G2E3: variants seen among roughly 807,000 people sequenced by gnomAD.
G2E3 encodes G2/M-phase specific E3 ubiquitin protein ligase.
G2E3 carries 35 observed loss-of-function variants against 92.8 expected under a neutral mutation model. The observed-to-expected ratio is 0.38, with a 90% CI of 0.29 to 0.50. The LOEUF (loss-of-function observed/expected upper bound fraction) is 0.50. Among genes scored for constraint, G2E3 ranks in the 20% least tolerant of loss-of-function variants. The pLI is 0.94. For synonymous variants in G2E3, 242 were observed against 272.4 expected (o/e 0.89, Z 1.10); for missense variants, 554 against 823.8 (o/e 0.67, Z 4.01).
chr14:30,567,361 AT>A (rs1174229128), intron 1 of G2E3, among the ~76,000 whole-genome samples: 1 of 151,852 alleles, frequency 6.6e-6, no homozygotes, highest in Non-Finnish European at 1.5e-5. Context: ...ATTTGTTGAA[AT>A]TTTCTATTTC....
intron 12 of G2E3, among the ~76,000 whole-genome samples, chr14:30,608,457 A>G (rs954239273): frequency 2.0e-5 from 3 of 152,230 alleles, no homozygotes; most frequent in African/African-American, 4.8e-5. Context: ...GAAGAGAGGA[A>G]GGATTTGGCT....
intron 1 of G2E3, among the ~76,000 whole-genome samples, chr14:30,575,717 AC>A (rs1880043358): frequency 6.6e-6 from 1 of 152,220 alleles, no homozygotes; most frequent in South Asian, 2.1e-4. Context: ...ATTCCTATAC[AC>A]CAAAAACAGC....
rs2138855821 is a variant in G2E3, at chr14:30,593,458, T to C, written c.363-16T>C. The C allele has an allele frequency of 7.4e-7, 1 of 1,347,468 alleles. No homozygotes were observed. Among genetic ancestry groups the C allele is most frequent in the East Asian group, 2.4e-5 (1 of 42,444 alleles). The allele number at this position is 1,347,468 out of a possible 1,614,324, so 83.5% of individuals were successfully genotyped here. A position where few individuals can be genotyped will look rare whatever the true frequency, so the allele number is the denominator to read the frequency against. On this transcript the variant is annotated splice_polypyrimidine_tract_variant and intron_variant, in intron 5 of 14. Coordinates refer to ENST00000206595, the MANE Select transcript of G2E3 (RefSeq NM_017769.5). ...TGCAGTTCATGAGATTTTTTTAAAA[T>C]AATTTACATTTTTAGGTCATTTTGT...
chr14:30,583,548 C>T (rs1376450330), intron 2 of G2E3, among the ~76,000 whole-genome samples: 1 of 152,064 alleles, frequency 6.6e-6, no homozygotes, highest in Non-Finnish European at 1.5e-5. Flanking sequence ...TGAAGGGATA[C>T]AAAATTTTAT....
At position 30,598,480 on chromosome 14, in the gene G2E3, T is replaced by C. The variant is rs769121665; in HGVS notation, c.636-3T>C. 6.5e-7 allele frequency: 1 copy of C among 1,536,554 alleles called. No individual in the cohort carries two copies. Among genetic ancestry groups the C allele is most frequent in the South Asian group, 1.1e-5 (1 of 89,476 alleles). ...AAAGCATATTTTATATCTTCTTTTA[T>C]AGAGATGCTTCCTGGGAATTAGAGG... On this transcript the variant is annotated splice_region_variant and splice_polypyrimidine_tract_variant and intron_variant, in intron 7 of 14. Transcript: ENST00000206595.
At chr14:30,562,531 A>G (rs1879166136) in intron 1 of G2E3, among the ~76,000 whole-genome samples, 1 of 152,068 alleles carries the variant, frequency 6.6e-6, no homozygotes. Flanking sequence ...TGCCAAGAGG[A>G]CCATGGTCTA....
rs1250289659 is a variant in G2E3 at position 30,586,800 on chromosome 14, A to T, written c.120A>T (p.Val40=). The T allele has an allele frequency of 8.2e-7, 1 of 1,219,694 alleles. No homozygotes were observed. The highest frequency in any genetic ancestry group is 1.2e-6 in the Non-Finnish European group (1 of 863,770). The allele number at this position is 1,219,694 out of a possible 1,614,324, so 75.6% of individuals were successfully genotyped here. The change falls in exon 3 of 15, where the codon GTA becomes GTT. Residue 40 remains valine, a synonymous_variant. Transcript: ENST00000206595. The stretch of plus-strand genomic sequence containing the variant: ...CTAAGGAGAAATGGAATCTCACTGT[A>T]CATTACTACTGTTTGGTGAGTATAA... ...KKTKEKWNLT[V]HYYCLLMSSG...
At chr14:30,563,670 A>ATGTAAACT (rs1191096454) in intron 1 of G2E3, among the ~76,000 whole-genome samples, 3 of 150,850 alleles carry the variant, frequency 2.0e-5, no homozygotes, top group African/African-American at 7.4e-5. Context: ...TGATAACTTA[A>ATGTAAACT]TGTAAACTTG....
At position 30,616,522 on chromosome 14, in the gene G2E3, C is replaced by T; in HGVS notation, c.2109C>T (p.Tyr703=). 3.1e-6 allele frequency: 5 copies of T among 1,587,878 alleles called. No individual in the cohort carries two copies. The highest frequency in any genetic ancestry group is 4.3e-6 in the Non-Finnish European group (5 of 1,166,800). ...TAGAAAAGGAAGAAAGTTCTCATTA[C>T]ATTGGACATTAAAATGTTTCCTTGA... ...LRLEKEESSH[Y]IGH is the part of the protein sequence containing the mutation. Residue 703 remains tyrosine (Y), a synonymous_variant, in exon 15 of 15, where the codon TAC becomes TAT. Coordinates refer to ENST00000206595, the MANE Select transcript of G2E3 (RefSeq NM_017769.5).
At chr14:30,577,323 GACTT>G (rs1243548539) in intron 1 of G2E3, among the ~76,000 whole-genome samples, 4 of 151,684 alleles carry the variant, frequency 2.6e-5, no homozygotes, top group African/African-American at 9.7e-5. Flanking sequence ...GAAGGAATTT[GACTT>G]ACTTTTTTTG....
At chr14:30,586,676 AT>A in intron 2 of G2E3, 41 bp from the exon 3 acceptor site, 5 of 675,054 alleles carry the variant, frequency 7.4e-6, no homozygotes, top group Non-Finnish European at 7.4e-6. Context: ...TTTTTGAAAT[AT>A]TTAAATATAT....
Position 30,593,566 on chromosome 14 carries a change from A to C in G2E3, c.455A>C (p.Glu152Ala). 1 of 1,598,342 alleles carries C rather than the reference A, an allele frequency of 6.3e-7. No individual in the cohort carries two copies. Residue 152 changes from glutamate to alanine, a missense_variant, in exon 6 of 15, where the codon GAG becomes GCG. This residue lies in a region of G2E3 where 137 missense variants were observed against 201.3 expected (regional missense o/e 0.68). Coordinates refer to ENST00000206595, the MANE Select transcript of G2E3 (RefSeq NM_017769.5). ...TGCACCATTTGCTTGGAATTTATTG[A>C]GCCTATTCCAAGTTATAACATATTA... is the stretch of plus-strand genomic sequence containing the variant. ...LPCTICLEFI[E>A]PIPSYNILRS...
intron 6 of G2E3, among the ~76,000 whole-genome samples, chr14:30,595,162 G>T (rs1435945117): frequency 1.3e-5 from 2 of 152,062 alleles, no homozygotes; most frequent in African/African-American, 4.8e-5. Context: ...GATGAAGCCT[G>T]TTTTGTTGGG....
chr14:30,610,226 A>G (rs947871706), intron 12 of G2E3, among the ~76,000 whole-genome samples: 1 of 152,220 alleles, frequency 6.6e-6, no homozygotes, highest in African/African-American at 2.4e-5. Context: ...GAAGCAAAGT[A>G]TCTGCCTTCT....
chr14:30,610,791 G>A (rs185801767), intron 12 of G2E3, among the ~76,000 whole-genome samples: 29 of 152,212 alleles, frequency 1.9e-4, no homozygotes, highest in African/African-American at 6.5e-4. Context: ...TAGATTTTAG[G>A]GTAAGAGTTG....
intron 1 of G2E3, among the ~76,000 whole-genome samples, chr14:30,562,334 C>A (rs1401736834): frequency 6.6e-6 from 1 of 151,724 alleles, no homozygotes; most frequent in Non-Finnish European, 1.5e-5. Flanking sequence ...CTCTTTATTC[C>A]AATATTATAA....
intron 6 of G2E3, 107 bp from the exon 7 acceptor site, chr14:30,597,313 A>G (rs1881337589): frequency 4.3e-6 from 3 of 704,622 alleles, no homozygotes; most frequent in Non-Finnish European, 7.6e-6. Flanking sequence ...AGCATAGAAA[A>G]TGTTTTCATA....
At chr14:30,608,694 G>A (rs1881945796) in intron 12 of G2E3, among the ~76,000 whole-genome samples, 2 of 152,194 alleles carry the variant, frequency 1.3e-5, no homozygotes, top group Admixed American at 6.5e-5. Context: ...AAGTGTCATT[G>A]CCAACATGTT....
intron 2 of G2E3, among the ~76,000 whole-genome samples, chr14:30,585,702 T>C (rs551984235): frequency 1.3e-5 from 2 of 152,144 alleles, no homozygotes; most frequent in Non-Finnish European, 2.9e-5. Flanking sequence ...TGATTATATC[T>C]ACTCTAATCT....
Sources: allele counts gnomAD v4.1 joint callset (sites outside exome capture counted in the v4.1 genomes callset), GRCh38; gene constraint gnomAD v4.1.1; regional missense constraint gnomAD v4.1.1; transcripts MANE v1.5; gene names NCBI Gene and HGNC (gene_info 2026-07-23, HGNC 2026-07-21).